Variants in ANKRD16 observed in about 807,000 individuals in gnomAD.
ANKRD16 encodes ankyrin repeat domain-containing protein 16.
ANKRD16 carries 35 observed loss-of-function variants against 37.9 expected under a neutral mutation model. The ratio of observed to expected loss-of-function variants is 0.92; its 90% CI spans 0.71 to 1.23. ANKRD16 has a LOEUF of 1.23. Among genes scored for constraint, ANKRD16 ranks in the 50% most tolerant of loss-of-function variants. The pLI, the probability that ANKRD16 is intolerant of heterozygous loss-of-function variation, is 0.00. For missense variants in ANKRD16, 480 were observed against 469.9 expected, an observed-to-expected ratio of 1.02 and a Z score of -0.20; for synonymous variants, 206 against 197.2, an observed-to-expected ratio of 1.04 and a Z score of -0.37.
rs1010911917 is a variant in ANKRD16, at chr10:5,869,780, T to G, written c.*34-7089A>C. ...AGCTGGGGGTTGCTGGGGGGAGGGGTGGGTGGGTGGGAATCTGCATCTTTA... is the reference window on the plus strand; with the variant it reads ...AGCTGGGGGTTGCTGGGGGGAGGGGGGGGTGGGTGGGAATCTGCATCTTTA... On this transcript the variant is annotated intron_variant, in intron 7 of 7. Coordinates refer to ENST00000380094, the MANE Select transcript of ANKRD16 (RefSeq NM_019046.3). This position sits in a 1 kb window ranked among gnomAD's most constrained non-coding sequence, Gnocchi z 4.0. Among the ~76,000 whole-genome samples, 10 of 3,110 alleles carry G rather than the reference T, an allele frequency of 3.2e-3. No individual in the cohort carries two copies. Among genetic ancestry groups the G allele is most frequent in the African/African-American group, 4.0e-3 (4 of 990 alleles). The allele number at this position is 3,110 out of a possible 152,430, so 2.0% of individuals were successfully genotyped here. A position where few individuals can be genotyped will look rare whatever the true frequency, so the allele number is the denominator to read the frequency against.
At chr10:5,880,195 A>AGG in intron 6 of ANKRD16, 103 bp downstream of exon 6, 1 of 322,522 alleles carries the variant, frequency 3.1e-6, no homozygotes, top group Non-Finnish European at 5.1e-6. Context: ...AAAAAAAAAA[A>AGG]AAAAAAAAAG....
At chr10:5,881,986 C>T (rs899570761) in intron 5 of ANKRD16, among the ~76,000 whole-genome samples, 8 of 151,942 alleles carry the variant, frequency 5.3e-5, no homozygotes, top group Non-Finnish European at 8.8e-5. Context: ...TGCGCCTGGC[C>T]GGTCTCGATC....
rs1003413056 is a variant in ANKRD16, at chr10:5,878,362, C to A, written c.929-75G>T. ...ATACTGACCTCATGAGTTGATAGTGCCCAATAAAAATATCAATTCTTTCAA... is the reference window on the plus strand; with the variant it reads ...ATACTGACCTCATGAGTTGATAGTGACCAATAAAAATATCAATTCTTTCAA... On this transcript the variant is annotated intron_variant, in intron 6 of 7. Coordinates refer to ENST00000380094, the MANE Select transcript of ANKRD16 (RefSeq NM_019046.3). The surrounding 1 kb of genome is among the most constrained non-coding windows in gnomAD (Gnocchi z 5.1). 8.4e-6 allele frequency: 11 copies of A among 1,305,032 alleles called. No homozygotes were observed. Among genetic ancestry groups the A allele is most frequent in the Non-Finnish European group, 1.2e-5 (11 of 956,016 alleles). 80.8% of individuals were successfully genotyped at this position (1,305,032 alleles called of 1,614,324 possible). A position where few individuals can be genotyped will look rare whatever the true frequency, so the allele number is the denominator to read the frequency against.
intron 7 of ANKRD16, among the ~76,000 whole-genome samples, chr10:5,872,715 C>T (rs1436319465): frequency 2.0e-5 from 3 of 151,676 alleles, no homozygotes; most frequent in East Asian, 2.0e-4. Context: ...CGCCACCACA[C>T]CCGGCTAATT....
chr10:5,876,086 G>C lies in ANKRD16; in HGVS notation c.*33+2011C>G, dbSNP rs903186039. ...TTTAGAAGAAACTGGGTTTCACCAT[G>C]TTGGCCAGGCAGGTCTTGAACTCCT... On this transcript the variant is annotated intron_variant, in intron 7 of 7. Transcript: ENST00000380094. 3.3e-5 allele frequency among the ~76,000 whole-genome samples: 5 copies of C among 152,146 alleles called. No homozygotes were observed. The East Asian group carries it at 9.6e-4, about 29-fold the overall frequency.
intron 1 of ANKRD16, among the ~76,000 whole-genome samples, chr10:5,888,596 G>C (rs1302994666): frequency 6.6e-6 from 1 of 151,940 alleles, no homozygotes; most frequent in East Asian, 1.9e-4. Flanking sequence ...TGATACAACT[G>C]CACTGTGCTC....
At chr10:5,872,534 C>A (rs1222333234) in intron 7 of ANKRD16, among the ~76,000 whole-genome samples, 5 of 152,042 alleles carry the variant, frequency 3.3e-5, no homozygotes, top group Non-Finnish European at 5.9e-5. Flanking sequence ...ATCAGCTCAA[C>A]CGTATGCATT....
rs115620606 is a variant in ANKRD16 at position 5,863,834 on chromosome 10, A to G, written c.*34-1143T>C. Among the ~76,000 whole-genome samples, 3,974 of 152,230 alleles carry G rather than the reference A, an allele frequency of 0.026. 173 individuals carry two copies. Among genetic ancestry groups the G allele is most frequent in the African/African-American group, 0.09 (3,730 of 41,496 alleles). ...GACTGTAACACTCACTGCGAGGTCC[A>G]CGGCTTCATTGTTGAAGTCAGTGAG... On this transcript the variant is annotated intron_variant, in intron 7 of 7. Coordinates refer to ENST00000380094, the MANE Select transcript of ANKRD16 (RefSeq NM_019046.3). This position sits in a 1 kb window ranked among gnomAD's most constrained non-coding sequence, Gnocchi z 4.7.
rs1306585027 is a variant in ANKRD16 at position 5,865,857 on chromosome 10, T to C, written c.*34-3166A>G. On this transcript the variant is annotated intron_variant, in intron 7 of 7. Coordinates refer to ENST00000380094, the MANE Select transcript of ANKRD16 (RefSeq NM_019046.3). The surrounding 1 kb of genome is among the most constrained non-coding windows in gnomAD (Gnocchi z 4.7). ...AAACTCAAGCTCCAGCCTTAAGCCT[T>C]CCCACAGGACAAAACTTCTCTTTAT... 6.6e-6 allele frequency among the ~76,000 whole-genome samples: 1 copy of C among 152,110 alleles called. No homozygotes were observed. Among genetic ancestry groups the C allele is most frequent in the Non-Finnish European group, 1.5e-5 (1 of 68,020 alleles).
rs1564411901 is a variant in ANKRD16, at chr10:5,862,641, C to T, written c.*84G>A. The T allele has an allele frequency of 7.8e-7, 1 of 1,289,626 alleles. No homozygotes were observed. The highest frequency in any genetic ancestry group is 2.2e-4 in the Middle Eastern group (1 of 4,568). 79.9% of individuals were successfully genotyped at this position (1,289,626 alleles called of 1,614,324 possible). On this transcript the variant is annotated 3_prime_UTR_variant, in exon 8 of 8. Coordinates refer to ENST00000380094, the MANE Select transcript of ANKRD16 (RefSeq NM_019046.3). This position sits in a 1 kb window ranked among gnomAD's most constrained non-coding sequence, Gnocchi z 6.5. ...TTCAGGATGACTGAAGCAAGTTGCACTTGGCTTTCTCTGAGCCGAAAAACG... is the reference window on the plus strand; with the variant it reads ...TTCAGGATGACTGAAGCAAGTTGCATTTGGCTTTCTCTGAGCCGAAAAACG...
chr10:5,881,470 A>ATATATATATATC, intron 5 of ANKRD16, among the ~76,000 whole-genome samples: 1 of 126,384 alleles, frequency 7.9e-6, no homozygotes. Context: ...ATATATATAT[A>ATATATATATATC]TATATATATA....
intron 5 of ANKRD16, among the ~76,000 whole-genome samples, chr10:5,881,440 A>T (rs955698056): frequency 0.025 from 374 of 15,156 alleles, 8 homozygotes; most frequent in Middle Eastern, 0.077. Context: ...AATATTATTT[A>T]TATATATATA....
Position 5,887,859 on chromosome 10 carries a change from G to A in ANKRD16, c.523C>T (p.Leu175=), listed in dbSNP as rs1289203489. The A allele has an allele frequency of 1.9e-6, 3 of 1,613,426 alleles. No homozygotes were observed. Among genetic ancestry groups the A allele is most frequent in the Non-Finnish European group, 2.5e-6 (3 of 1,179,924 alleles). Residue 175 remains leucine (L), a synonymous_variant, in exon 2 of 8, where the codon CTG becomes TTG. Transcript: ENST00000380094. Reference sequence around the variant, plus strand: ...CTGTAGGCTGTACCTGCAGTATGCAGAGGAGTCCTTCTAATTTTGCTCTCT... The same window carrying A: ...CTGTAGGCTGTACCTGCAGTATGCAAAGGAGTCCTTCTAATTTTGCTCTCT... ...KTESKIRRTP[L]HTAAMHGHLE...
chr10:5,883,925 T>G (rs1305463834), intron 4 of ANKRD16, 44 bp downstream of exon 4: 1 of 1,572,740 alleles, frequency 6.4e-7, no homozygotes, highest in Admixed American at 1.7e-5. Flanking sequence ...GACCTAAAAT[T>G]TATAGGAAGA....
intron 4 of ANKRD16, 77 bp from the exon 5 acceptor site, chr10:5,883,244 A>G (rs111471167): frequency 3.4e-6 from 5 of 1,488,528 alleles, no homozygotes; most frequent in African/African-American, 2.8e-5. Flanking sequence ...ATCTGCTGGC[A>G]CTTCAGCAAA....
At chr10:5,885,597 G>T in intron 3 of ANKRD16, 126 bp downstream of exon 3, 2 of 937,896 alleles carry the variant, frequency 2.1e-6, no homozygotes, top group Non-Finnish European at 3.2e-6. Context: ...TATGTCTTTT[G>T]TTCATTTTTC....
chr10:5,883,188 A>C (rs1037834056), intron 4 of ANKRD16, 21 bp from the exon 5 acceptor site: 5 of 1,608,546 alleles, frequency 3.1e-6, no homozygotes, highest in Admixed American at 3.4e-5. Context: ...GAGGAGAGAA[A>C]GGAGCAAAGG....
At position 5,889,495 on chromosome 10, in the gene ANKRD16, C is replaced by T; in HGVS notation, c.-141G>A. ...CGCCCCGAACCCGGCAGAACCGCCC[C>T]TCACGCCCCCGGCTTTGTCCCCGGC... On this transcript the variant is annotated 5_prime_UTR_variant, in exon 1 of 8. Coordinates refer to ENST00000380094, the MANE Select transcript of ANKRD16 (RefSeq NM_019046.3). 3 of 501,302 alleles carry T rather than the reference C, an allele frequency of 6.0e-6. No homozygotes were observed. In the South Asian group the frequency reaches 2.9e-4, roughly 48 times the overall value. The allele number at this position is 501,302 out of a possible 1,614,324, so 31.1% of individuals were successfully genotyped here. A position where few individuals can be genotyped will look rare whatever the true frequency, so the allele number is the denominator to read the frequency against.
At chr10:5,883,695 G>A (rs148018053) in intron 4 of ANKRD16, among the ~76,000 whole-genome samples, 147 of 152,292 alleles carry the variant, frequency 9.7e-4, no homozygotes, top group African/African-American at 3.4e-3. Flanking sequence ...TGTTATTATT[G>A]CTATAAAACA....
Sources: allele counts gnomAD v4.1 joint callset (sites outside exome capture counted in the v4.1 genomes callset), GRCh38; gene constraint gnomAD v4.1.1; non-coding constraint Gnocchi (gnomAD v3.1); transcripts MANE v1.5; gene names NCBI Gene and HGNC (gene_info 2026-07-23, HGNC 2026-07-21).